SIM2: variants seen among roughly 807,000 people sequenced by gnomAD.
The protein encoded by SIM2 is single-minded homolog 2.
Under a neutral mutation model 64.8 loss-of-function variants are expected in SIM2, and 28 were observed. The ratio of observed to expected loss-of-function variants is 0.43; its 90% CI spans 0.32 to 0.59. The LOEUF is 0.59. Among genes scored for constraint, SIM2 ranks in the 20% least tolerant of loss-of-function variants. The pLI, the probability that SIM2 is intolerant of heterozygous loss-of-function variation, is 0.07. For missense variants in SIM2, 847 were observed against 871.4 expected (o/e 0.97, Z 0.35); for synonymous variants, 408 against 391.1 (o/e 1.04, Z -0.51).
In SIM2 at chr21:36,747,534, G is replaced by A. The variant is rs1408504702; in HGVS notation, c.1577-131G>A. 1.1e-3 allele frequency: 532 copies of A among 480,852 alleles called. 12 individuals carry two copies. The East Asian group carries it at 0.028, about 25-fold the overall frequency. The allele number at this position is 480,852 out of a possible 1,614,324, so 29.8% of individuals were successfully genotyped here. On this transcript the variant is annotated intron_variant, in intron 10 of 10. Coordinates refer to ENST00000290399, the MANE Select transcript of SIM2 (RefSeq NM_005069.6). The surrounding 1 kb of genome is among the most constrained non-coding windows in gnomAD (Gnocchi z 4.5). ...ACAGCACGGCCTAGACTAAGGCGGGGGAGGGCGACAGCGACCCCGCGGGTG... is the reference window on the plus strand; with the variant it reads ...ACAGCACGGCCTAGACTAAGGCGGGAGAGGGCGACAGCGACCCCGCGGGTG...
At position 36,748,633 on chromosome 21, in the gene SIM2, ATTTTTG is replaced by A. The variant is rs1449781748; in HGVS notation, c.*547_*552del. On this transcript the variant is annotated 3_prime_UTR_variant, in exon 11 of 11. Coordinates refer to ENST00000290399, the MANE Select transcript of SIM2 (RefSeq NM_005069.6). ...TTAAAAGTCATTCAAGAGTCTCATT[ATTTTTG>A]TTTTTATTTAACCCTTTCTTCAATA... 2.0e-5 allele frequency: 3 copies of A among 152,318 alleles called. No homozygotes were observed. The highest frequency in any genetic ancestry group is 2.9e-5 in the Non-Finnish European group (2 of 68,026). The allele number at this position is 152,318 out of a possible 1,614,324, so 9.4% of individuals were successfully genotyped here.
intron 3 of SIM2, 33 bp from the exon 4 acceptor site, chr21:36,719,788 G>T: frequency 4.6e-6 from 6 of 1,306,970 alleles, no homozygotes; most frequent in Non-Finnish European, 6.7e-6. Context: ...CCAGAGAGGC[G>T]GTGGCATTTC....
At chr21:36,717,194 C>T (rs544125490) in intron 3 of SIM2, among the ~76,000 whole-genome samples, 30 of 152,200 alleles carry the variant, frequency 2.0e-4, no homozygotes, top group African/African-American at 6.5e-4. Flanking sequence ...GGGATTAAAA[C>T]GCAAATCTAA....
chr21:36,702,978 T>A (rs2088526120), intron 1 of SIM2, among the ~76,000 whole-genome samples: 2 of 148,132 alleles, frequency 1.4e-5, no homozygotes, highest in African/African-American at 5.0e-5. Flanking sequence ...CCTAAGGAAC[T>A]GCAAGGATCA....
At chr21:36,722,962 T>C in intron 4 of SIM2, 83 bp from the exon 5 acceptor site, 1 of 1,068,860 alleles carries the variant, frequency 9.4e-7, no homozygotes, top group Non-Finnish European at 1.5e-6. Context: ...CATCTGGCCC[T>C]GGGAACACAT....
chr21:36,749,122 A>C lies in SIM2; in HGVS notation c.*1030A>C, dbSNP rs1259422635. ...CTTCGTAAGAACATGTTACGTGTGC[A>C]ACAGGTAAACAGAAATCCTTTCATA... On this transcript the variant is annotated 3_prime_UTR_variant, in exon 11 of 11. Transcript: ENST00000290399. 6.5e-6 allele frequency: 1 copy of C among 152,704 alleles called. No homozygotes were observed. Among genetic ancestry groups the C allele is most frequent in the African/African-American group, 2.4e-5 (1 of 41,476 alleles). 9.5% of individuals were successfully genotyped at this position (152,704 alleles called of 1,614,324 possible). A position where few individuals can be genotyped will look rare whatever the true frequency, so the allele number is the denominator to read the frequency against.
intron 2 of SIM2, among the ~76,000 whole-genome samples, chr21:36,711,946 G>T (rs536654171): frequency 3.1e-4 from 47 of 152,232 alleles, no homozygotes; most frequent in African/African-American, 1.1e-3. Context: ...ATTTTGCAAA[G>T]GTTATTTGAT....
Position 36,747,995 on chromosome 21 carries a change from T to G in SIM2, c.1907T>G (p.Leu636Arg). Residue 636 changes from leucine to arginine, a missense_variant, in exon 11 of 11, where the codon CTG becomes CGG. This residue lies in a region of SIM2 where 447 missense variants were observed against 414.6 expected (regional missense o/e 1.08). Coordinates refer to ENST00000290399, the MANE Select transcript of SIM2 (RefSeq NM_005069.6). The surrounding 1 kb of genome is among the most constrained non-coding windows in gnomAD (Gnocchi z 4.5). ...GGCCCCGAGGCGGCGACCGGCGCGCTGCGGCTCCGGCACCCGAGCCCCGCC... is the reference window on the plus strand; with the variant it reads ...GGCCCCGAGGCGGCGACCGGCGCGCGGCGGCTCCGGCACCCGAGCCCCGCC... Reference protein sequence around the residue: ...PGGPEAATGALRLRHPSPAAT... With the variant: ...PGGPEAATGARRLRHPSPAAT... The G allele has an allele frequency of 9.1e-7, 1 of 1,095,354 alleles. No individual in the cohort carries two copies. The highest frequency in any genetic ancestry group is 1.1e-6 in the Non-Finnish European group (1 of 902,298). 67.9% of individuals were successfully genotyped at this position (1,095,354 alleles called of 1,614,324 possible).
intron 7 of SIM2, 134 bp from the exon 8 acceptor site, chr21:36,741,583 C>G: frequency 1.1e-6 from 1 of 945,092 alleles, no homozygotes; most frequent in Non-Finnish European, 1.6e-6. Flanking sequence ...GACATGCACC[C>G]TCCAGCGGAG....
chr21:36,720,240 C>T (rs2088807151), intron 4 of SIM2: 1 of 321,912 alleles, frequency 3.1e-6, no homozygotes, highest in African/African-American at 2.1e-5. Flanking sequence ...ATTACAGCAT[C>T]ACGGGTCTAG....
At position 36,748,129 on chromosome 21, in the gene SIM2, C is replaced by A; in HGVS notation, c.*37C>A. ...CCCGCGCCAGGAGCCTGGACCCGGC[C>A]TCCCGGGGCTGCGGCGCCACCGAGC... On this transcript the variant is annotated 3_prime_UTR_variant, in exon 11 of 11. Coordinates refer to ENST00000290399, the MANE Select transcript of SIM2 (RefSeq NM_005069.6). 8.8e-7 allele frequency: 1 copy of A among 1,139,796 alleles called. No homozygotes were observed. The highest frequency in any genetic ancestry group is 1.1e-6 in the Non-Finnish European group (1 of 920,722). The allele number at this position is 1,139,796 out of a possible 1,614,324, so 70.6% of individuals were successfully genotyped here.
intron 7 of SIM2, among the ~76,000 whole-genome samples, chr21:36,741,454 G>A (rs1247644159): frequency 1.3e-5 from 2 of 152,222 alleles, no homozygotes; most frequent in African/African-American, 4.8e-5. Context: ...CTCAATGAAA[G>A]CAATGACTGT....
intron 4 of SIM2, 104 bp downstream of exon 4, chr21:36,720,033 G>T: frequency 3.8e-6 from 3 of 795,416 alleles, no homozygotes; most frequent in Non-Finnish European, 6.5e-6. Context: ...GGCTGGGCAT[G>T]ACTAGGACTG....
chr21:36,719,953 A>C (rs1568930649), intron 4 of SIM2, 24 bp downstream of exon 4: 2 of 1,459,702 alleles, frequency 1.4e-6, no homozygotes, highest in Non-Finnish European at 1.9e-6. Context: ...AGGGAAAAAA[A>C]AAAACAGACT....
chr21:36,718,533 C>T (rs2088776029), intron 3 of SIM2, among the ~76,000 whole-genome samples: 1 of 152,222 alleles, frequency 6.6e-6, no homozygotes, highest in South Asian at 2.1e-4. Context: ...GTTACCCTCT[C>T]TCCTTCCGGC....
intron 5 of SIM2, among the ~76,000 whole-genome samples, chr21:36,723,745 G>A (rs1379202521): frequency 4.6e-5 from 7 of 152,232 alleles, no homozygotes; most frequent in African/African-American, 1.7e-4. Context: ...CCCAGCCCAT[G>A]CTCCTCCCTG....
At chr21:36,725,779 C>G (rs1267283470) in intron 5 of SIM2, among the ~76,000 whole-genome samples, 3 of 152,120 alleles carry the variant, frequency 2.0e-5, no homozygotes, top group Non-Finnish European at 4.4e-5. Context: ...CACCACCATG[C>G]CCGGATAATT....
intron 5 of SIM2, 70 bp downstream of exon 5, chr21:36,723,200 C>A: frequency 7.6e-7 from 1 of 1,317,130 alleles, no homozygotes; most frequent in Non-Finnish European, 1.1e-6. Context: ...AGAGCGTCTG[C>A]AGAAAGGAAG....
rs1435639239 is a variant in SIM2 at position 36,733,771 on chromosome 21, C to T, written c.850+2620C>T. On this transcript the variant is annotated intron_variant, in intron 7 of 10. Transcript: ENST00000290399. ...AGAGACGGGGTTTCACCGTGTTAGC[C>T]AGGATGGTCTCAATCTCCTGACCTC... Among the ~76,000 whole-genome samples, 3 of 152,108 alleles carry T rather than the reference C, an allele frequency of 2.0e-5. No individual in the cohort carries two copies. The East Asian group carries it at 5.8e-4, about 29-fold the overall frequency.
Sources: gnomAD v4.1 joint callset for allele counts (sites outside exome capture counted in the v4.1 genomes callset) on GRCh38, gnomAD v4.1.1 for gene constraint, gnomAD v4.1.1 regional missense constraint, Gnocchi (gnomAD v3.1) non-coding constraint, MANE v1.5 for transcripts, NCBI Gene and HGNC (gene_info 2026-07-23, HGNC 2026-07-21) for gene names.